Variants in RHPN1 observed in about 807,000 individuals in gnomAD.
RHPN1 encodes the protein rhophilin-1.
Under a neutral mutation model 74.7 loss-of-function variants are expected in RHPN1, and 77 were observed. The ratio of observed to expected loss-of-function variants is 1.03; its 90% CI spans 0.86 to 1.25. The LOEUF is 1.25. RHPN1 is among the 50% of genes most tolerant of loss of function. The pLI is 0.00. For missense variants in RHPN1, 987 were observed against 932.2 expected, an observed-to-expected ratio of 1.06 and a Z score of -0.77; for synonymous variants, 444 against 414.5, an observed-to-expected ratio of 1.07 and a Z score of -0.87.
At position 143,375,585 on chromosome 8, in the gene RHPN1, C is replaced by G. The variant is rs778393931; in HGVS notation, c.93C>G (p.Gly31=). ...GCDSLTQIQC[G]QLQSRRAQIH... is the part of the protein sequence containing the mutation. ...ACTCCCTGACGCAGATCCAGTGCGG[C>G]CAGCTGCAGAGCCGCAGGGCCCAGA... The change falls in exon 2 of 15, where the codon GGC becomes GGG. Residue 31 remains glycine (G), a synonymous_variant. Coordinates refer to ENST00000289013, the MANE Select transcript of RHPN1 (RefSeq NM_052924.3). 1.9e-6 allele frequency: 3 copies of G among 1,605,406 alleles called. No individual in the cohort carries two copies. Among genetic ancestry groups the G allele is most frequent in the Non-Finnish European group, 2.5e-6 (3 of 1,177,202 alleles).
At chr8:143,370,833 A>C (rs1265115208) in intron 1 of RHPN1, among the ~76,000 whole-genome samples, 1 of 152,202 alleles carries the variant, frequency 6.6e-6, no homozygotes, top group Non-Finnish European at 1.5e-5. Flanking sequence ...CACAAGGAAT[A>C]CAGCCTGGCT....
chr8:143,378,178 C>T lies in RHPN1; in HGVS notation c.382-91C>T, dbSNP rs934637192. 5.5e-6 allele frequency: 6 copies of T among 1,084,134 alleles called. No homozygotes were observed. In the Admixed American group the frequency reaches 1.2e-4, roughly 22 times the overall value. 67.2% of individuals were successfully genotyped at this position (1,084,134 alleles called of 1,614,324 possible). The stretch of plus-strand genomic sequence containing the variant: ...TCTGCGGCACAGACCCTCCCTCCAC[C>T]ATGAGTCTTTTCCCAAGGTGGGTTG... On this transcript the variant is annotated intron_variant, in intron 4 of 14. Coordinates refer to ENST00000289013, the MANE Select transcript of RHPN1 (RefSeq NM_052924.3).
chr8:143,380,690 A>G lies in RHPN1; in HGVS notation c.1318A>G (p.Ile440Val), dbSNP rs1257891220. The change falls in exon 11 of 15, where the codon ATC becomes GTC. Residue 440 changes from isoleucine (I) to valine (V), a missense_variant. By Grantham distance (29) the Ile-to-Val change is conservative. Coordinates refer to ENST00000289013, the MANE Select transcript of RHPN1 (RefSeq NM_052924.3). ...LREVDLLRAV[I>V]SQTLQRSLAK... is the part of the protein sequence containing the mutation. ...CGAGGTGGACCTGCTTCGGGCTGTG[A>G]TCTCCCAGACGCTGCAGCGCTCACT... The G allele has an allele frequency of 1.3e-6, 2 of 1,585,454 alleles. No individual in the cohort carries two copies. The highest frequency in any genetic ancestry group is 2.7e-5 in the African/African-American group (2 of 74,298).
chr8:143,367,079 T>C (rs887065232), upstream of RHPN1: 4 of 152,104 alleles, frequency 2.6e-5, no homozygotes, highest in African/African-American at 4.8e-5. Context: ...GAAGGTCTCA[T>C]GTAGCCTGTG....
At position 143,369,791 on chromosome 8, in the gene RHPN1, C is replaced by T. The variant is rs547222491; in HGVS notation, c.60+744C>T. ...CGCGGGCTGCTCCTGCTCCTCGCCC[C>T]GGGTGAGCCTTTGATAGCGCGCGGC... On this transcript the variant is annotated intron_variant, in intron 1 of 14. Transcript: ENST00000289013. Among the ~76,000 whole-genome samples, 4 of 152,344 alleles carry T rather than the reference C, an allele frequency of 2.6e-5. No individual in the cohort carries two copies. In the South Asian group the frequency reaches 8.3e-4, roughly 32 times the overall value.
At chr8:143,374,843 A>G (rs1818106114) in intron 1 of RHPN1, among the ~76,000 whole-genome samples, 1 of 152,212 alleles carries the variant, frequency 6.6e-6, no homozygotes, top group African/African-American at 2.4e-5. Flanking sequence ...ATCAAAGTCC[A>G]GAAGGGGCCC....
In RHPN1 at chr8:143,379,907, G is replaced by A. The variant is rs377453004; in HGVS notation, c.1024G>A (p.Ala342Thr). The A allele has an allele frequency of 1.9e-6, 3 of 1,605,370 alleles. No individual in the cohort carries two copies. The highest frequency in any genetic ancestry group is 1.3e-5 in the African/African-American group (1 of 74,760). ...VHDYVPVSWT[A>T]LVHVKAEYFR... Reference sequence around the variant, plus strand: ...CGACTACGTGCCTGTCTCCTGGACTGCCCTGGTGCATGTCAAGGCCGAGTA... The same window carrying A: ...CGACTACGTGCCTGTCTCCTGGACTACCCTGGTGCATGTCAAGGCCGAGTA... Residue 342 changes from alanine to threonine, a missense_variant, in exon 9 of 15, where the codon GCC becomes ACC. Ala to Thr is a moderately conservative substitution (Grantham distance 58). Coordinates refer to ENST00000289013, the MANE Select transcript of RHPN1 (RefSeq NM_052924.3).
At chr8:143,373,990 C>A in intron 1 of RHPN1, 1 of 331,116 alleles carries the variant, frequency 3.0e-6, no homozygotes, top group Non-Finnish European at 4.3e-6. Flanking sequence ...AGATGGTCAC[C>A]CGCTCAGCTG....
intron 4 of RHPN1, among the ~76,000 whole-genome samples, chr8:143,377,872 G>T (rs1818389017): frequency 6.6e-6 from 1 of 152,208 alleles, no homozygotes; most frequent in Non-Finnish European, 1.5e-5. Context: ...GCACTGCCTG[G>T]CAGGGCCCCA....
upstream of RHPN1, among the ~76,000 whole-genome samples, chr8:143,364,263 A>G (rs1335987257): frequency 6.6e-6 from 1 of 152,190 alleles, no homozygotes; most frequent in African/African-American, 2.4e-5. This position sits in a 1 kb window ranked among gnomAD's most constrained non-coding sequence, Gnocchi z 4.5. Context: ...CCCCTTCCCC[A>G]TATCCTTTTC....
chr8:143,368,474 G>A (rs1817612527), upstream of RHPN1: 1 of 152,576 alleles, frequency 6.6e-6, no homozygotes, highest in Non-Finnish European at 1.5e-5. Flanking sequence ...GGCGCGAGCG[G>A]GCAGACTCCT....
rs770475507 is a variant in RHPN1 at position 143,381,837 on chromosome 8, G to A, written c.1666G>A (p.Val556Met). The change falls in exon 14 of 15, where the codon GTG becomes ATG. Residue 556 changes from valine (V) to methionine (M), a missense_variant. Val to Met is a conservative substitution (Grantham distance 21, BLOSUM62 1). Transcript: ENST00000289013. ...TGGCCTGAAGGAGGGCGACTACATT[G>A]TGTCAGTGAATGGGCAGCCATGCAG... Reference protein sequence around the residue: ...AAGLKEGDYIVSVNGQPCRWW... With the variant: ...AAGLKEGDYIMSVNGQPCRWW... 6 of 1,612,968 alleles carry A rather than the reference G, an allele frequency of 3.7e-6. No individual in the cohort carries two copies. Among genetic ancestry groups the A allele is most frequent in the South Asian group, 3.3e-5 (3 of 91,048 alleles).
chr8:143,368,432 A>AAG (rs897455103), upstream of RHPN1: 1 of 152,528 alleles, frequency 6.6e-6, no homozygotes, highest in African/African-American at 2.4e-5. Context: ...AGCCTCTTAG[A>AAG]GGGTCCCGTT....
At position 143,378,713 on chromosome 8, in the gene RHPN1, C is replaced by G. The variant is rs527948233; in HGVS notation, c.477C>G (p.Ser159Arg). The change falls in exon 6 of 15, where the codon AGC becomes AGG. Residue 159 changes from serine (S) to arginine (R), a missense_variant. By Grantham distance (110) the Ser-to-Arg change is moderately radical. Transcript: ENST00000289013. ...CCCTGCAGGCCATGCGGACCCCCAG[C>G]CGGAATGAGTCGGGCCTGGAGCTGC... is the stretch of plus-strand genomic sequence containing the variant. ...EALRQAMRTP[S>R]RNESGLELLT... 2.1e-5 allele frequency: 33 copies of G among 1,595,984 alleles called. No individual in the cohort carries two copies. The East Asian group carries it at 7.5e-4, about 36-fold the overall frequency.
At chr8:143,372,157 G>A (rs71520514) in intron 1 of RHPN1, among the ~76,000 whole-genome samples, 11,149 of 152,224 alleles carry the variant, frequency 0.073, 483 homozygotes, top group Non-Finnish European at 0.098. Flanking sequence ...TCTGATGCCC[G>A]TCGCACAGCC....
chr8:143,382,788 A>G lies in RHPN1; in HGVS notation c.*137A>G, dbSNP rs1430046008. 6 of 711,882 alleles carry G rather than the reference A, an allele frequency of 8.4e-6. No individual in the cohort carries two copies. The highest frequency in any genetic ancestry group is 5.5e-5 in the South Asian group (3 of 54,672). 44.1% of individuals were successfully genotyped at this position (711,882 alleles called of 1,614,324 possible). A position where few individuals can be genotyped will look rare whatever the true frequency, so the allele number is the denominator to read the frequency against. On this transcript the variant is annotated 3_prime_UTR_variant, in exon 15 of 15. Transcript: ENST00000289013. ...GGCTGCCTCGGGCACCTGCCTGCCC[A>G]TTAAAGACTGGTCAGACCTGTCTGA...
In RHPN1 at chr8:143,372,515, G is replaced by A. The variant is rs563089248; in HGVS notation, c.61-3038G>A. 1.1e-3 allele frequency among the ~76,000 whole-genome samples: 170 copies of A among 152,082 alleles called. 1 individual carries two copies. The highest frequency in any genetic ancestry group is 2.0e-3 in the Non-Finnish European group (136 of 67,998). On this transcript the variant is annotated intron_variant, in intron 1 of 14. Transcript: ENST00000289013. The stretch of plus-strand genomic sequence containing the variant: ...CCGTCCGCTGCTGGGTGGTGTCCAC[G>A]GGGGCAGGGCTGGGCTGGGGGAGGC...
intron 1 of RHPN1, chr8:143,374,424 T>G: frequency 1.5e-6 from 1 of 678,486 alleles, no homozygotes; most frequent in Non-Finnish European, 1.8e-6. Context: ...TGCTGCTGAC[T>G]GGCAGAAATG....
At chr8:143,377,284 G>A in intron 3 of RHPN1, 96 bp from the exon 4 acceptor site, 1 of 913,726 alleles carries the variant, frequency 1.1e-6, no homozygotes, top group African/African-American at 1.6e-5. Context: ...GAGGGAGGGA[G>A]GCACCCTGTG....
Sources: gnomAD v4.1 joint callset for allele counts (sites outside exome capture counted in the v4.1 genomes callset) on GRCh38, gnomAD v4.1.1 for gene constraint, Gnocchi (gnomAD v3.1) non-coding constraint, MANE v1.5 for transcripts, NCBI Gene and HGNC (gene_info 2026-07-23, HGNC 2026-07-21) for gene names.